The following SNTG1 variants were observed in gnomAD, a reference collection of about 807,000 sequenced individuals.
The protein encoded by SNTG1 is syntrophin gamma 1.
SNTG1 carries 39 observed loss-of-function variants against 74.7 expected under a neutral mutation model. The ratio of observed to expected loss-of-function variants is 0.52; its 90% CI spans 0.40 to 0.68. The LOEUF (loss-of-function observed/expected upper bound fraction) is 0.68. Ranked by LOEUF, SNTG1 falls within the 30% of genes least tolerant of loss-of-function variation. SNTG1 has a pLI of 0.00. For synonymous variants in SNTG1, 254 were observed against 217.1 expected, an observed-to-expected ratio of 1.17 and a Z score of -1.49; for missense variants, 685 against 609.5, an observed-to-expected ratio of 1.12 and a Z score of -1.30.
At chr8:50,360,604 A>G (rs2091929808) in intron 2 of SNTG1, among the ~76,000 whole-genome samples, 1 of 152,186 alleles carries the variant, frequency 6.6e-6, no homozygotes, top group Non-Finnish European at 1.5e-5. Context: ...ATAAACTATG[A>G]CACACCTACA....
chr8:49,999,808 A>G (rs1814581312), intron 1 of SNTG1, among the ~76,000 whole-genome samples: 1 of 151,914 alleles, frequency 6.6e-6, no homozygotes, highest in African/African-American at 2.4e-5. Flanking sequence ...GTGGTACTTG[A>G]TATTGGCTGG....
In SNTG1 at chr8:50,778,783, C is replaced by A. The variant is rs371307296; in HGVS notation, c.1396-13888C>A. On this transcript the variant is annotated intron_variant, in intron 18 of 18. Transcript: ENST00000642720. Reference sequence around the variant, plus strand: ...TTAGACATGAAGTCCTTGCCCATGCCTATGTCCTGAATGGTAATGCCTAGG... The same window carrying A: ...TTAGACATGAAGTCCTTGCCCATGCATATGTCCTGAATGGTAATGCCTAGG... Among the ~76,000 whole-genome samples the A allele has an allele frequency of 1.5e-4, 23 of 151,046 alleles. 1 individual carries two copies. The East Asian group carries it at 4.1e-3, about 27-fold the overall frequency.
At chr8:50,111,815 G>A (rs2080603915) in intron 1 of SNTG1, among the ~76,000 whole-genome samples, 1 of 151,992 alleles carries the variant, frequency 6.6e-6, no homozygotes, top group South Asian at 2.1e-4. Flanking sequence ...AATAACAGGA[G>A]TTGAAATGGA....
At chr8:50,683,451 A>T (rs2095339268) in intron 15 of SNTG1, among the ~76,000 whole-genome samples, 1 of 152,112 alleles carries the variant, frequency 6.6e-6, no homozygotes, top group African/African-American at 2.4e-5. Context: ...ATCCATATTA[A>T]TGAGCACTAA....
intron 1 of SNTG1, among the ~76,000 whole-genome samples, chr8:50,154,236 G>T (rs995551666): frequency 6.6e-6 from 1 of 152,156 alleles, no homozygotes; most frequent in Non-Finnish European, 1.5e-5. Flanking sequence ...AGCCAGGCAT[G>T]GGATATAATC....
intron 2 of SNTG1, among the ~76,000 whole-genome samples, chr8:50,341,317 A>G (rs887982903): frequency 4.6e-5 from 7 of 151,942 alleles, no homozygotes; most frequent in Non-Finnish European, 7.4e-5. Context: ...AGTTGGAGGA[A>G]TGGTGACTAA....
chr8:50,653,924 C>T (rs2095164335), intron 13 of SNTG1, among the ~76,000 whole-genome samples: 1 of 152,134 alleles, frequency 6.6e-6, no homozygotes, highest in African/African-American at 2.4e-5. Flanking sequence ...AATGTGGAAA[C>T]ATATATTATA....
chr8:50,244,535 C>T (rs533955250), intron 2 of SNTG1, among the ~76,000 whole-genome samples: 34 of 152,198 alleles, frequency 2.2e-4, no homozygotes, highest in African/African-American at 7.5e-4. Flanking sequence ...GAATGTCCTA[C>T]CTCAAGCATA....
intron 18 of SNTG1, among the ~76,000 whole-genome samples, chr8:50,756,901 T>A (rs2095581936): frequency 6.6e-6 from 1 of 151,804 alleles, no homozygotes; most frequent in Non-Finnish European, 1.5e-5. Flanking sequence ...TCCATGAATA[T>A]AAAATATATT....
intron 17 of SNTG1, among the ~76,000 whole-genome samples, chr8:50,722,438 T>C (rs892341334): frequency 1.3e-5 from 2 of 152,024 alleles, no homozygotes; most frequent in East Asian, 3.9e-4. Context: ...AGCCTCCCAG[T>C]GTGCTGGGAT....
intron 18 of SNTG1, among the ~76,000 whole-genome samples, chr8:50,759,305 T>G (rs916059672): frequency 1.3e-5 from 2 of 152,106 alleles, no homozygotes; most frequent in Non-Finnish European, 2.9e-5. Context: ...CAGAAGCTCT[T>G]TAGTTTAACG....
intron 2 of SNTG1, among the ~76,000 whole-genome samples, chr8:50,197,414 A>G (rs1428201517): frequency 6.6e-6 from 1 of 152,026 alleles, no homozygotes; most frequent in Non-Finnish European, 1.5e-5. Flanking sequence ...TTTGCTCAGC[A>G]TTTTTTTAAA....
intron 1 of SNTG1, among the ~76,000 whole-genome samples, chr8:50,035,596 T>C (rs892439620): frequency 5.3e-5 from 8 of 152,220 alleles, no homozygotes; most frequent in Non-Finnish European, 7.3e-5. Flanking sequence ...TCAGGAAATG[T>C]TTCAGTGTGT....
In SNTG1 at chr8:50,398,932, A is replaced by G. The variant is rs529993386; in HGVS notation, c.28-3278A>G. Among the ~76,000 whole-genome samples, 3 of 152,358 alleles carry G rather than the reference A, an allele frequency of 2.0e-5. No homozygotes were observed. In the East Asian group the frequency reaches 5.8e-4, roughly 29 times the overall value. On this transcript the variant is annotated intron_variant, in intron 3 of 18. Coordinates refer to ENST00000642720, the MANE Select transcript of SNTG1 (RefSeq NM_018967.5). ...GGCAACAAGAGCGAAACTCTGTCTC[A>G]AGAAAAAAATAAAATAACATAAGGT...
At chr8:50,535,905 A>T (rs2094303801) in intron 10 of SNTG1, among the ~76,000 whole-genome samples, 1 of 152,190 alleles carries the variant, frequency 6.6e-6, no homozygotes, top group African/African-American at 2.4e-5. Flanking sequence ...GCCAATTTAA[A>T]TATTAATATT....
rs928055604 is a variant in SNTG1 at position 50,194,625 on chromosome 8, G to A, written c.-28+21990G>A. Among the ~76,000 whole-genome samples the A allele has an allele frequency of 5.3e-5, 8 of 151,860 alleles. No homozygotes were observed. In the East Asian group the frequency reaches 5.8e-4, roughly 11 times the overall value. On this transcript the variant is annotated intron_variant, in intron 2 of 18. Coordinates refer to ENST00000642720, the MANE Select transcript of SNTG1 (RefSeq NM_018967.5). ...TATCTTTTCAAAGAACCAGCTTTTT[G>A]TTTCATTTATTTTTTGTACTTCTTT...
chr8:50,366,871 T>A (rs2131115066), intron 2 of SNTG1, among the ~76,000 whole-genome samples: 1 of 146,614 alleles, frequency 6.8e-6, no homozygotes, highest in East Asian at 2.0e-4. Flanking sequence ...TTATAGTATT[T>A]TATCTTCCAT....
At chr8:50,372,041 G>A (rs2092281261) in intron 2 of SNTG1, among the ~76,000 whole-genome samples, 1 of 152,170 alleles carries the variant, frequency 6.6e-6, no homozygotes, top group African/African-American at 2.4e-5. Flanking sequence ...TAATAGGAAA[G>A]AACTTACCAT....
chr8:50,288,059 C>T (rs2088883972), intron 2 of SNTG1, among the ~76,000 whole-genome samples: 1 of 152,042 alleles, frequency 6.6e-6, no homozygotes, highest in Non-Finnish European at 1.5e-5. Context: ...AAGTTATTTA[C>T]AAAAATACCA....
Sources: gnomAD v4.1 joint callset for allele counts (sites outside exome capture counted in the v4.1 genomes callset) on GRCh38, gnomAD v4.1.1 for gene constraint, MANE v1.5 for transcripts, NCBI Gene and HGNC (gene_info 2026-07-23, HGNC 2026-07-21) for gene names.